DSCAM: variants seen among roughly 807,000 people sequenced by gnomAD.
DSCAM encodes cell adhesion molecule DSCAM.
A neutral mutation model predicts 217.7 loss-of-function variants in DSCAM; 47 were observed. The ratio of observed to expected loss-of-function variants is 0.22; its 90% CI spans 0.17 to 0.28. DSCAM has a LOEUF of 0.28. Among genes scored for constraint, DSCAM ranks in the 10% least tolerant of loss-of-function variants. The probability of loss-of-function intolerance (pLI) is 1.00; values close to 1 mark genes in which losing one functional copy is unlikely to be tolerated. For missense variants in DSCAM, 2,080 were observed against 2,618.3 expected (o/e 0.79, Z 4.49); for synonymous variants, 1,056 against 1,015.3 (o/e 1.04, Z -0.76).
chr21:40,306,409 CT>C (rs1245588405), intron 9 of DSCAM, among the ~76,000 whole-genome samples: 5 of 150,976 alleles, frequency 3.3e-5, no homozygotes, highest in Non-Finnish European at 5.9e-5. Flanking sequence ...TGGACTTCCT[CT>C]TTTCCTAATT....
chr21:40,673,197 T>C (rs79738172), intron 3 of DSCAM, among the ~76,000 whole-genome samples: 2 of 152,124 alleles, frequency 1.3e-5, no homozygotes, highest in Non-Finnish European at 2.9e-5. Context: ...GTTGGTTGCC[T>C]CTTGTTCCAT....
At chr21:40,807,715 C>T (rs903908455) in intron 1 of DSCAM, among the ~76,000 whole-genome samples, 2 of 152,028 alleles carry the variant, frequency 1.3e-5, no homozygotes, top group Non-Finnish European at 2.9e-5. Flanking sequence ...GCAGTTAGAA[C>T]CAGAGAGTGG....
intron 11 of DSCAM, among the ~76,000 whole-genome samples, chr21:40,223,999 A>AT (rs1278207774): frequency 6.6e-6 from 1 of 152,252 alleles, no homozygotes; most frequent in Non-Finnish European, 1.5e-5. Flanking sequence ...AGAGAAGTGA[A>AT]GAATGAATGA....
intron 8 of DSCAM, 145 bp downstream of exon 8, chr21:40,337,956 T>G: frequency 9.6e-7 from 1 of 1,044,940 alleles, no homozygotes; most frequent in Non-Finnish European, 1.4e-6. Flanking sequence ...AAAGAGGACA[T>G]CTCATGTTCC....
intron 19 of DSCAM, among the ~76,000 whole-genome samples, chr21:40,132,507 G>A (rs1052186680): frequency 1.6e-4 from 24 of 152,152 alleles, no homozygotes; most frequent in Admixed American, 3.3e-4. Flanking sequence ...CAATTTCTTA[G>A]AGCAGAACTG....
intron 3 of DSCAM, among the ~76,000 whole-genome samples, chr21:40,508,737 AT>A (rs2076228937): frequency 2.7e-4 from 1 of 3,686 alleles, no homozygotes; most frequent in African/African-American, 6.9e-4. Flanking sequence ...CCCGGCAAAT[AT>A]ATATATATAT....
At chr21:40,686,141 A>G (rs1168604983) in intron 3 of DSCAM, among the ~76,000 whole-genome samples, 1 of 150,756 alleles carries the variant, frequency 6.6e-6, no homozygotes, top group African/African-American at 2.4e-5. Context: ...CACACACATC[A>G]CACACACCCC....
chr21:40,451,876 G>A (rs1384581866), intron 3 of DSCAM, among the ~76,000 whole-genome samples: 3 of 151,978 alleles, frequency 2.0e-5, no homozygotes, highest in East Asian at 1.9e-4. Flanking sequence ...TTTCACTGAC[G>A]CAAAAATTCA....
chr21:40,291,045 C>T (rs2073885716), intron 10 of DSCAM, among the ~76,000 whole-genome samples: 1 of 152,198 alleles, frequency 6.6e-6, no homozygotes. Flanking sequence ...AAACCCTGAT[C>T]TTACCCCAGC....
At chr21:40,217,452 T>C (rs914483834) in intron 11 of DSCAM, among the ~76,000 whole-genome samples, 2 of 152,160 alleles carry the variant, frequency 1.3e-5, no homozygotes, top group African/African-American at 2.4e-5. Context: ...CATGTGAAGG[T>C]TTAGTTACAT....
intron 1 of DSCAM, among the ~76,000 whole-genome samples, chr21:40,775,617 T>C (rs1337576148): frequency 1.3e-5 from 2 of 152,196 alleles, no homozygotes; most frequent in Non-Finnish European, 1.5e-5. Context: ...ATGTTTCTTC[T>C]GCTGCCTTGG....
intron 3 of DSCAM, among the ~76,000 whole-genome samples, chr21:40,507,182 CA>C (rs2076216774): frequency 6.6e-6 from 1 of 152,114 alleles, no homozygotes; most frequent in African/African-American, 2.4e-5. Flanking sequence ...GAAGCTGAGG[CA>C]GGAGAATTGC....
intron 3 of DSCAM, among the ~76,000 whole-genome samples, chr21:40,433,959 C>T (rs1451269502): frequency 6.6e-6 from 1 of 152,224 alleles, no homozygotes; most frequent in Non-Finnish European, 1.5e-5. Flanking sequence ...TGGGCGATGT[C>T]ACCTGAGGCA....
At chr21:40,221,941 G>A (rs1242389372) in intron 11 of DSCAM, among the ~76,000 whole-genome samples, 1 of 152,200 alleles carries the variant, frequency 6.6e-6, no homozygotes, top group East Asian at 1.9e-4. Context: ...AAGCTCCAGT[G>A]TGGGACTGAA....
At chr21:40,211,711 T>G (rs978835172) in intron 11 of DSCAM, among the ~76,000 whole-genome samples, 2 of 149,474 alleles carry the variant, frequency 1.3e-5, no homozygotes, top group Non-Finnish European at 1.5e-5. Context: ...GACATGTAGA[T>G]TCTCACCAAA....
intron 1 of DSCAM, among the ~76,000 whole-genome samples, chr21:40,732,763 C>A (rs979363450): frequency 6.6e-6 from 1 of 152,178 alleles, no homozygotes; most frequent in African/African-American, 2.4e-5. Context: ...TTTGAGAGGA[C>A]TTAAAATGTG....
chr21:40,627,967 A>G (rs1001225493), intron 3 of DSCAM, among the ~76,000 whole-genome samples: 1 of 152,166 alleles, frequency 6.6e-6, no homozygotes, highest in Non-Finnish European at 1.5e-5. Flanking sequence ...GAAGACCCCC[A>G]AAGTTGTGTG....
At chr21:40,167,126 A>C in intron 16 of DSCAM, 92 bp downstream of exon 16, 1 of 1,153,420 alleles carries the variant, frequency 8.7e-7, no homozygotes, top group Non-Finnish European at 1.2e-6. Flanking sequence ...GTTTTGTAAA[A>C]TTCGAGAGTC....
chr21:40,472,653 G>C (rs2075898327), intron 3 of DSCAM, among the ~76,000 whole-genome samples: 1 of 152,302 alleles, frequency 6.6e-6, no homozygotes, highest in East Asian at 1.9e-4. Flanking sequence ...TAAATGGATG[G>C]ACAGTCGATT....
Sources: allele counts gnomAD v4.1 joint callset (sites outside exome capture counted in the v4.1 genomes callset), GRCh38; gene constraint gnomAD v4.1.1; transcripts MANE v1.5; gene names NCBI Gene and HGNC (gene_info 2026-07-23, HGNC 2026-07-21).